Variants in PRDM2 observed in about 807,000 individuals in gnomAD.
PRDM2 encodes the protein PR/SET domain 2, also known as PR domain zinc finger protein 2.
Under a neutral mutation model 130.0 loss-of-function variants are expected in PRDM2, and 30 were observed. The ratio of observed to expected loss-of-function variants is 0.23; its 90% confidence interval spans 0.17 to 0.31. PRDM2 has a LOEUF of 0.31. Among genes scored for constraint, PRDM2 ranks in the 10% least tolerant of loss-of-function variants. PRDM2 has a pLI of 1.00. For missense variants in PRDM2, 2,011 were observed against 2,108.4 expected (o/e 0.95, Z 0.90); for synonymous variants, 871 against 782.4 (o/e 1.11, Z -1.89).
chr1:13,746,875 T>C (rs995261821), intron 5 of PRDM2, among the ~76,000 whole-genome samples: 2 of 152,242 alleles, frequency 1.3e-5, no homozygotes, highest in African/African-American at 4.8e-5. Context: ...GAAGGCTGTT[T>C]AGCAGCTAAC....
chr1:13,773,290 C>A, intron 7 of PRDM2, 102 bp downstream of exon 7: 1 of 700,496 alleles, frequency 1.4e-6, no homozygotes. Context: ...CATTTAGGAT[C>A]TTTACGAGGT....
At chr1:13,764,941 C>T (rs1055522381) in intron 6 of PRDM2, among the ~76,000 whole-genome samples, 1 of 152,192 alleles carries the variant, frequency 6.6e-6, no homozygotes, top group Non-Finnish European at 1.5e-5. Context: ...GAATTTTTTA[C>T]TGTCAGATAA....
At position 13,778,968 on chromosome 1, in the gene PRDM2, A is replaced by G; in HGVS notation, c.1173A>G (p.Lys391=). The G allele has an allele frequency of 6.2e-7, 1 of 1,614,242 alleles. No homozygotes were observed. The highest frequency in any genetic ancestry group is 8.5e-7 in the Non-Finnish European group (1 of 1,180,040). ...TATCCACCGTCAATCATGCTTTCAA[A>G]TGCAAGTACTGTGGGAAAGCCTTTG... ...IHISTVNHAF[K]CKYCGKAFGT... Residue 391 remains lysine (K), a synonymous_variant, in exon 8 of 10, where the codon AAA becomes AAG. Transcript: ENST00000311066.
chr1:13,729,464 T>C (rs1273325073), intron 2 of PRDM2, among the ~76,000 whole-genome samples: 1 of 152,222 alleles, frequency 6.6e-6, no homozygotes, highest in Non-Finnish European at 1.5e-5. Context: ...ATAATCATTA[T>C]GTAGCTTAGG....
intron 5 of PRDM2, 106 bp downstream of exon 5, chr1:13,742,263 C>A: frequency 7.8e-7 from 1 of 1,274,768 alleles, no homozygotes; most frequent in South Asian, 1.4e-5. Flanking sequence ...TGCAGGGGCT[C>A]CATCACGGCT....
chr1:13,729,576 G>A (rs1339449381), intron 2 of PRDM2, among the ~76,000 whole-genome samples: 3 of 152,138 alleles, frequency 2.0e-5, no homozygotes, highest in African/African-American at 7.2e-5. Context: ...TAAAAATGGG[G>A]ACACTATATT....
rs1645256333 is a variant in PRDM2, at chr1:13,816,319, A to C, written c.5037-108A>C. 17 of 1,409,006 alleles carry C rather than the reference A, an allele frequency of 1.2e-5. 1 individual carries two copies. In the South Asian group the frequency reaches 1.9e-4, roughly 16 times the overall value. 87.3% of individuals were successfully genotyped at this position (1,409,006 alleles called of 1,614,324 possible). ...CAAGGTGTCCAGGAAGTGCAATCCT[A>C]TCCTGGCCTGGGAAGTGGTGACCAG... On this transcript the variant is annotated intron_variant, in intron 8 of 9. Transcript: ENST00000311066.
intron 1 of PRDM2, among the ~76,000 whole-genome samples, chr1:13,713,423 C>T (rs1642432510): frequency 6.6e-6 from 1 of 152,114 alleles, no homozygotes; most frequent in Non-Finnish European, 1.5e-5. Flanking sequence ...ATTGAGGATA[C>T]CAGTGCTGTG....
At chr1:13,746,743 GAC>G (rs1457440542) in intron 5 of PRDM2, among the ~76,000 whole-genome samples, 1 of 151,950 alleles carries the variant, frequency 6.6e-6, no homozygotes, top group Non-Finnish European at 1.5e-5. Flanking sequence ...TTTCAGTAGA[GAC>G]AGAGTTTCGC....
intron 8 of PRDM2, among the ~76,000 whole-genome samples, chr1:13,809,336 AC>A (rs1405079927): frequency 2.0e-5 from 3 of 151,978 alleles, no homozygotes; most frequent in Non-Finnish European, 4.4e-5. Flanking sequence ...GCCTTGCAGG[AC>A]TCCAGGCGAG....
rs144612483 is a variant in PRDM2, at chr1:13,766,074, A to G, written c.512-7004A>G. Among the ~76,000 whole-genome samples, 605 of 152,338 alleles carry G rather than the reference A, an allele frequency of 4.0e-3. 3 individuals carry two copies. The highest frequency in any genetic ancestry group is 0.017 in the South Asian group (80 of 4,828). On this transcript the variant is annotated intron_variant, in intron 6 of 9. Transcript: ENST00000311066. Reference sequence around the variant, plus strand: ...CATTGCTCATTCTTACCTGAAGTGCAGGTGACGGAGATGACCTTCAAGGCT... The same window carrying G: ...CATTGCTCATTCTTACCTGAAGTGCGGGTGACGGAGATGACCTTCAAGGCT...
chr1:13,757,619 G>A (rs1057157628), intron 6 of PRDM2, among the ~76,000 whole-genome samples: 1 of 152,164 alleles, frequency 6.6e-6, no homozygotes, highest in Admixed American at 6.5e-5. Flanking sequence ...TTTAATTAAT[G>A]TGTAGTCTAA....
intron 7 of PRDM2, among the ~76,000 whole-genome samples, chr1:13,774,137 C>T (rs930031173): frequency 2.0e-5 from 3 of 152,176 alleles, no homozygotes; most frequent in African/African-American, 7.2e-5. Context: ...CCTGCCACGA[C>T]GTAAGAATCC....
At chr1:13,813,203 A>G (rs571958598) in intron 8 of PRDM2, among the ~76,000 whole-genome samples, 1 of 152,202 alleles carries the variant, frequency 6.6e-6, no homozygotes, top group African/African-American at 2.4e-5. Context: ...CAGAAGATCA[A>G]CCTGGAACTC....
At chr1:13,816,380 C>A in intron 8 of PRDM2, 47 bp from the exon 9 acceptor site, 1 of 1,607,886 alleles carries the variant, frequency 6.2e-7, no homozygotes, top group Non-Finnish European at 8.5e-7. Context: ...TCTAGGGCAC[C>A]GGGCTGGGCT....
At chr1:13,788,359 G>A (rs1644782507) in intron 8 of PRDM2, among the ~76,000 whole-genome samples, 1 of 152,212 alleles carries the variant, frequency 6.6e-6, no homozygotes, top group South Asian at 2.1e-4. Context: ...AATTTCATCT[G>A]TGGGGTCTCT....
chr1:13,787,863 A>T (rs1203429741), intron 8 of PRDM2: 2 of 983,664 alleles, frequency 2.0e-6, no homozygotes, highest in Non-Finnish European at 2.4e-6. Flanking sequence ...TTGTCCATTG[A>T]TTTTAACCAA....
Position 13,712,768 on chromosome 1 carries a change from A to G in PRDM2, c.-65-2773A>G, listed in dbSNP as rs1019471616. Among the ~76,000 whole-genome samples, 16 of 151,914 alleles carry G rather than the reference A, an allele frequency of 1.1e-4. 1 individual carries two copies. The highest frequency in any genetic ancestry group is 1.8e-4 in the Non-Finnish European group (12 of 67,904). On this transcript the variant is annotated intron_variant, in intron 1 of 9. Transcript: ENST00000311066. ...GAGCGAGACTCCGTCTCAAAAAACA[A>G]ACAAAAAAAAGAAATAAAATCTATC...
chr1:13,700,791 T>TC (rs1398802679), intron 1 of PRDM2, among the ~76,000 whole-genome samples: 1 of 152,196 alleles, frequency 6.6e-6, no homozygotes, highest in Non-Finnish European at 1.5e-5. Context: ...TCTTTGTGTT[T>TC]CCCAAATAGT....
Sources: allele counts gnomAD v4.1 joint callset (sites outside exome capture counted in the v4.1 genomes callset), GRCh38; gene constraint gnomAD v4.1.1; transcripts MANE v1.5; gene names NCBI Gene and HGNC (gene_info 2026-07-23, HGNC 2026-07-21).